The following CRACR2A variants were observed in gnomAD, a reference collection of about 807,000 sequenced individuals.
The protein encoded by CRACR2A is EF-hand calcium-binding domain-containing protein 4B.
Under a neutral mutation model 90.5 loss-of-function variants are expected in CRACR2A, and 79 were observed. The observed-to-expected ratio is 0.87, with a 90% CI of 0.73 to 1.05. The LOEUF (loss-of-function observed/expected upper bound fraction) is 1.05. Among genes scored for constraint, CRACR2A ranks in the 50% least tolerant of loss-of-function variants. The pLI, the probability that CRACR2A is intolerant of heterozygous loss-of-function variation, is 0.00. For missense variants in CRACR2A, 823 were observed against 897.2 expected (o/e 0.92, Z 1.06); for synonymous variants, 338 against 356.7 (o/e 0.95, Z 0.59).
chr12:3,615,428 T>C lies in CRACR2A; in HGVS notation c.2123A>G (p.Glu708Gly), dbSNP rs1867659977. 1 of 1,550,640 alleles carries C rather than the reference T, an allele frequency of 6.4e-7. No homozygotes were observed. The highest frequency in any genetic ancestry group is 2.4e-5 in the East Asian group (1 of 40,912). ...SLLHLARFLKEQEDTVREDTI... is the reference protein window; with the variant it reads ...SLLHLARFLKGQEDTVREDTI... Reference sequence around the variant, plus strand: ...GTCCTCTCTCACTGTGTCTTCTTGCTCCTTGAGGAACCTGGGAGAGGGGAA... The same window carrying C: ...GTCCTCTCTCACTGTGTCTTCTTGCCCCTTGAGGAACCTGGGAGAGGGGAA... The change falls in exon 20 of 20, where the codon GAG (glutamate) becomes GGG (glycine). Residue 708 changes from glutamate to glycine, a missense_variant. Physicochemically the swap from Glu to Gly is moderately conservative, Grantham distance 98 (BLOSUM62 -2). Transcript: ENST00000440314.
At chr12:3,670,471 T>A (rs11062759) in intron 7 of CRACR2A, among the ~76,000 whole-genome samples, 5,703 of 152,246 alleles carry the variant, frequency 0.037, 163 homozygotes, top group Middle Eastern at 0.058. Context: ...TTTCTAGATG[T>A]CTCAGAATCA....
chr12:3,693,561 T>C (rs1280175640), intron 4 of CRACR2A, among the ~76,000 whole-genome samples: 1 of 152,212 alleles, frequency 6.6e-6, no homozygotes, highest in Non-Finnish European at 1.5e-5. Flanking sequence ...ATTTCTCCGC[T>C]TATGAAGCTC....
intron 1 of CRACR2A, among the ~76,000 whole-genome samples, chr12:3,738,246 A>C (rs1443565034): frequency 6.6e-6 from 1 of 152,182 alleles, no homozygotes; most frequent in East Asian, 1.9e-4. Flanking sequence ...AAAGTCTTAT[A>C]TAAATTTTTT....
intron 14 of CRACR2A, among the ~76,000 whole-genome samples, chr12:3,634,453 G>T (rs1053959487): frequency 1.3e-5 from 2 of 152,148 alleles, no homozygotes; most frequent in African/African-American, 4.8e-5. Context: ...CTGTCTCTTG[G>T]GCCCAGCAGA....
chr12:3,619,945 C>T (rs1944101724), intron 17 of CRACR2A, among the ~76,000 whole-genome samples: 1 of 152,220 alleles, frequency 6.6e-6, no homozygotes, highest in African/African-American at 2.4e-5. Flanking sequence ...CTGCCATGTG[C>T]CTTGCTGGAG....
intron 7 of CRACR2A, among the ~76,000 whole-genome samples, chr12:3,664,016 T>C (rs965018908): frequency 1.3e-5 from 2 of 152,242 alleles, no homozygotes; most frequent in African/African-American, 2.4e-5. Context: ...ACTATGCTAA[T>C]AGGTTTCAGT....
chr12:3,665,541 A>T (rs1945118152), intron 7 of CRACR2A, among the ~76,000 whole-genome samples: 1 of 152,384 alleles, frequency 6.6e-6, no homozygotes, highest in African/African-American at 2.4e-5. Context: ...GTCTAGCACA[A>T]TAAGATGCAT....
Position 3,677,050 on chromosome 12 carries a change from C to T in CRACR2A, c.524+1865G>A, listed in dbSNP as rs866736315. Among the ~76,000 whole-genome samples the T allele has an allele frequency of 2.8e-4, 43 of 152,234 alleles. 1 individual carries two copies. In the Middle Eastern group the frequency reaches 0.01, roughly 36 times the overall value. On this transcript the variant is annotated intron_variant, in intron 6 of 19. Transcript: ENST00000440314. ...TAAGCTGCCAAATCGCTTAGCCAAT[C>T]GGACCACCAAGAAAAGTCAAAGTGC...
At chr12:3,734,641 G>GTGTGTT (rs1339687851) in intron 1 of CRACR2A, among the ~76,000 whole-genome samples, 2 of 151,332 alleles carry the variant, frequency 1.3e-5, no homozygotes, top group African/African-American at 4.9e-5. Context: ...GTGTGTGTGT[G>GTGTGTT]TGTGTGTGTG....
At chr12:3,657,503 G>A (rs180899640) in intron 8 of CRACR2A, among the ~76,000 whole-genome samples, 2 of 152,344 alleles carry the variant, frequency 1.3e-5, no homozygotes, top group East Asian at 3.9e-4. Flanking sequence ...GGCGCAGGAT[G>A]CTTCCTTGCG....
At chr12:3,702,061 A>G (rs1343987230) in intron 3 of CRACR2A, among the ~76,000 whole-genome samples, 1 of 152,118 alleles carries the variant, frequency 6.6e-6, no homozygotes, top group Non-Finnish European at 1.5e-5. Context: ...TAAAAGATAA[A>G]CCTTTTGATC....
intron 8 of CRACR2A, among the ~76,000 whole-genome samples, 195 bp downstream of exon 8, chr12:3,659,369 A>T (rs560087680): frequency 7.2e-5 from 11 of 152,182 alleles, no homozygotes; most frequent in Non-Finnish European, 1.2e-4. Context: ...GCAGGAGGAG[A>T]TAGACACTCA....
At chr12:3,636,364 T>G (rs1346181154) in intron 14 of CRACR2A, among the ~76,000 whole-genome samples, 1 of 152,246 alleles carries the variant, frequency 6.6e-6, no homozygotes, top group African/African-American at 2.4e-5. Context: ...TCTTCCCTGC[T>G]GCAGTTCCTG....
At chr12:3,745,332 C>G (rs1946594318) in intron 1 of CRACR2A, among the ~76,000 whole-genome samples, 1 of 152,190 alleles carries the variant, frequency 6.6e-6, no homozygotes, top group Admixed American at 6.5e-5. Context: ...TCAGATGACA[C>G]TACCCACAGA....
intron 7 of CRACR2A, among the ~76,000 whole-genome samples, chr12:3,667,477 G>A (rs1945169358): frequency 6.6e-6 from 1 of 152,182 alleles, no homozygotes; most frequent in Non-Finnish European, 1.5e-5. Context: ...GGAGGGGCTT[G>A]ACTCCCATTC....
Position 3,654,294 on chromosome 12 carries a change from T to G in CRACR2A, c.964A>C (p.Thr322Pro). Residue 322 changes from threonine (T) to proline (P), a missense_variant, in exon 10 of 20, where the codon ACT (threonine) becomes CCT (proline). By Grantham distance (38) the Thr-to-Pro change is conservative. Transcript: ENST00000440314. Reference sequence around the variant, plus strand: ...TGAGCATCCTGGAGCTCCCAGGAAGTCCGCTCCAGCTCCCGGGCCAGCTCC... The same window carrying G: ...TGAGCATCCTGGAGCTCCCAGGAAGGCCGCTCCAGCTCCCGGGCCAGCTCC... The part of the protein sequence containing the change: ...NQELARELER[T>P]SWELQDAQQQ... 1 of 1,613,940 alleles carries G rather than the reference T, an allele frequency of 6.2e-7. No homozygotes were observed. Among genetic ancestry groups the G allele is most frequent in the Non-Finnish European group, 8.5e-7 (1 of 1,179,966 alleles).
At chr12:3,628,331 T>C (rs1202366833) in intron 15 of CRACR2A, among the ~76,000 whole-genome samples, 2 of 151,702 alleles carry the variant, frequency 1.3e-5, no homozygotes, top group Non-Finnish European at 1.5e-5. Flanking sequence ...TCCAAAGGTA[T>C]GTGGAGGAGG....
At chr12:3,620,551 GA>G (rs1262187259) in intron 17 of CRACR2A, among the ~76,000 whole-genome samples, 22 of 152,222 alleles carry the variant, frequency 1.4e-4, no homozygotes, top group South Asian at 4.1e-4. Flanking sequence ...TTTAATAGGG[GA>G]AAAAAATTCT....
intron 7 of CRACR2A, among the ~76,000 whole-genome samples, chr12:3,665,218 T>G (rs1225896808): frequency 6.6e-6 from 1 of 152,230 alleles, no homozygotes; most frequent in Non-Finnish European, 1.5e-5. Flanking sequence ...TTAGCAACAG[T>G]CATGAGCACT....
Sources: allele counts gnomAD v4.1 joint callset (sites outside exome capture counted in the v4.1 genomes callset), GRCh38; gene constraint gnomAD v4.1.1; transcripts MANE v1.5; gene names NCBI Gene and HGNC (gene_info 2026-07-23, HGNC 2026-07-21).